Variants in THSD7B observed in about 807,000 individuals in gnomAD.
THSD7B encodes the protein thrombospondin type-1 domain-containing protein 7B.
Under a neutral mutation model 213.6 loss-of-function variants are expected in THSD7B, and 138 were observed. That is an observed-to-expected ratio of 0.65 (90% confidence interval 0.56 to 0.74). The LOEUF is 0.74. THSD7B is among the 30% of genes least tolerant of loss of function. THSD7B has a pLI of 0.00. For synonymous variants in THSD7B, 742 were observed against 687.0 expected (o/e 1.08, Z -1.25); for missense variants, 1,931 against 1,991.5 (o/e 0.97, Z 0.58).
chr2:137,223,161 G>C (rs1195328629), intron 7 of THSD7B, among the ~76,000 whole-genome samples: 1 of 152,144 alleles, frequency 6.6e-6, no homozygotes, highest in Non-Finnish European at 1.5e-5. Flanking sequence ...TGGAAATGTT[G>C]ACTGCTCCAG....
chr2:136,860,016 ATTT>A (rs3084113), intron 1 of THSD7B, among the ~76,000 whole-genome samples: 1 of 120,508 alleles, frequency 8.3e-6, no homozygotes, highest in Admixed American at 9.5e-5. Flanking sequence ...ACAATTCATG[ATTT>A]TTTTTTTTTT....
intron 12 of THSD7B, among the ~76,000 whole-genome samples, chr2:137,326,609 C>T (rs531065639): frequency 4.6e-5 from 7 of 152,194 alleles, no homozygotes; most frequent in South Asian, 2.1e-4. Flanking sequence ...ACTCATACCT[C>T]GCAGTTCCCC....
chr2:137,572,278 C>A, intron 16 of THSD7B, 128 bp from the exon 17 acceptor site: 1 of 1,140,228 alleles, frequency 8.8e-7, no homozygotes, highest in Admixed American at 2.5e-5. Flanking sequence ...AGTTTTGTTC[C>A]CCTTGGTTTC....
At chr2:137,348,229 T>C (rs879752969) in intron 12 of THSD7B, among the ~76,000 whole-genome samples, 3 of 151,718 alleles carry the variant, frequency 2.0e-5, no homozygotes, top group Non-Finnish European at 4.4e-5. Flanking sequence ...CACTGTACTC[T>C]CTAGATGCAG....
At chr2:137,100,972 A>G (rs1476257837) in intron 4 of THSD7B, among the ~76,000 whole-genome samples, 3 of 152,148 alleles carry the variant, frequency 2.0e-5, no homozygotes. Flanking sequence ...AATTTGTCCA[A>G]GTTTTCCTTC....
chr2:137,238,862 ATCTT>A (rs1184065030), intron 9 of THSD7B, among the ~76,000 whole-genome samples: 2 of 151,998 alleles, frequency 1.3e-5, no homozygotes, highest in African/African-American at 4.8e-5. Context: ...CATGACACTC[ATCTT>A]TCTTTCTCTT....
chr2:137,517,951 A>G (rs1680104463), intron 15 of THSD7B, among the ~76,000 whole-genome samples: 2 of 152,188 alleles, frequency 1.3e-5, no homozygotes, highest in Admixed American at 6.5e-5. Flanking sequence ...TGAACTGCCT[A>G]TCATGAACTG....
chr2:137,527,000 T>C (rs930932133), intron 15 of THSD7B, among the ~76,000 whole-genome samples: 1 of 152,116 alleles, frequency 6.6e-6, no homozygotes. Flanking sequence ...AGCAAAACCT[T>C]CTACCTTCCT....
At chr2:137,103,914 T>A (rs900443683) in intron 4 of THSD7B, among the ~76,000 whole-genome samples, 3 of 152,156 alleles carry the variant, frequency 2.0e-5, no homozygotes, top group African/African-American at 7.2e-5. Context: ...CAAAGAGACT[T>A]AGACTCCCAC....
intron 3 of THSD7B, among the ~76,000 whole-genome samples, chr2:137,086,443 TCCAACTC>T (rs1687843912): frequency 2.0e-5 from 3 of 152,138 alleles, no homozygotes; most frequent in Admixed American, 2.0e-4. Context: ...CTCGTATCCC[TCCAACTC>T]CTGCTTCTGT....
chr2:137,245,350 T>C (rs1224527475), intron 10 of THSD7B, among the ~76,000 whole-genome samples: 1 of 152,196 alleles, frequency 6.6e-6, no homozygotes, highest in Non-Finnish European at 1.5e-5. Flanking sequence ...AGAAAGCACT[T>C]AGACCACCTC....
intron 2 of THSD7B, among the ~76,000 whole-genome samples, chr2:137,039,593 G>A (rs1168138117): frequency 1.3e-5 from 2 of 152,154 alleles, no homozygotes; most frequent in Non-Finnish European, 2.9e-5. Flanking sequence ...CTCCCACATG[G>A]ACTTGTTATT....
At chr2:137,431,271 A>G (rs114796714) in intron 14 of THSD7B, among the ~76,000 whole-genome samples, 5,206 of 152,302 alleles carry the variant, frequency 0.034, 128 homozygotes, top group Non-Finnish European at 0.048. Context: ...TATGGTTGAC[A>G]CTTGGTTCAG....
At chr2:136,920,900 T>C (rs1684426927) in intron 2 of THSD7B, among the ~76,000 whole-genome samples, 1 of 152,100 alleles carries the variant, frequency 6.6e-6, no homozygotes, top group African/African-American at 2.4e-5. Flanking sequence ...AGCCACAGCT[T>C]TGCTCTGCCC....
intron 4 of THSD7B, among the ~76,000 whole-genome samples, chr2:137,109,397 G>A (rs950403220): frequency 1.3e-5 from 2 of 152,138 alleles, no homozygotes; most frequent in Non-Finnish European, 2.9e-5. Flanking sequence ...TGGAAAGGGG[G>A]ATGGTTTCAG....
chr2:137,374,706 G>C (rs957627060), intron 12 of THSD7B, among the ~76,000 whole-genome samples: 10 of 152,178 alleles, frequency 6.6e-5, no homozygotes, highest in African/African-American at 2.4e-4. Flanking sequence ...TGCTAATCTT[G>C]CAAGTTCTCA....
chr2:137,521,295 G>A (rs1680179180), intron 15 of THSD7B, among the ~76,000 whole-genome samples: 1 of 152,050 alleles, frequency 6.6e-6, no homozygotes, highest in Non-Finnish European at 1.5e-5. Context: ...GATATTTGTT[G>A]AGCTGTCCTT....
At chr2:137,238,800 G>A (rs563449178) in intron 9 of THSD7B, among the ~76,000 whole-genome samples, 2 of 151,022 alleles carry the variant, frequency 1.3e-5, no homozygotes, top group African/African-American at 4.9e-5. Flanking sequence ...TGATCCACCC[G>A]CCTCGGCCTC....
chr2:136,910,213 C>T (rs546428178), intron 2 of THSD7B, among the ~76,000 whole-genome samples: 2 of 151,990 alleles, frequency 1.3e-5, no homozygotes, highest in East Asian at 3.9e-4. Context: ...AAAACATGCT[C>T]TTTAGCAAAA....
Sources: allele counts gnomAD v4.1 joint callset (sites outside exome capture counted in the v4.1 genomes callset), GRCh38; gene constraint gnomAD v4.1.1; transcripts MANE v1.5; gene names NCBI Gene and HGNC (gene_info 2026-07-23, HGNC 2026-07-21).